MBD2: variants seen among roughly 807,000 people sequenced by gnomAD.
MBD2 encodes methyl-CpG binding domain protein 2, also known as methyl-CpG-binding domain protein 2.
A neutral mutation model predicts 39.3 loss-of-function variants in MBD2; 9 were observed. The observed-to-expected ratio is 0.23, with a 90% CI of 0.14 to 0.40. The LOEUF (loss-of-function observed/expected upper bound fraction) is 0.40, where lower values mean the gene tolerates loss of function less well. MBD2 is among the 10% of genes least tolerant of loss of function. MBD2 has a pLI of 1.00. For missense variants in MBD2, 458 were observed against 532.6 expected (o/e 0.86, Z 1.38); for synonymous variants, 233 against 211.1 (o/e 1.10, Z -0.90).
chr18:54,179,897 CA>C (rs34234339), intron 3 of MBD2, among the ~76,000 whole-genome samples: 61,400 of 150,064 alleles, frequency 0.41, 12,785 homozygotes, highest in East Asian at 0.57. Flanking sequence ...AGAAAAAGGA[CA>C]AAAAAATCAA....
At chr18:54,200,875 C>A (rs969602679) in intron 2 of MBD2, among the ~76,000 whole-genome samples, 2 of 151,908 alleles carry the variant, frequency 1.3e-5, no homozygotes, top group Non-Finnish European at 2.9e-5. Flanking sequence ...GTCAGGAGAT[C>A]GAGACCATCC....
In MBD2 at chr18:54,174,916, G is replaced by A. The variant is rs533583552; in HGVS notation, c.841-8750C>T. ...ACTGAGAAAGGCACGGCTCCATTTA[G>A]AATGACTTTAAGTGTTCAAATGTAG... On this transcript the variant is annotated intron_variant, in intron 3 of 6. Coordinates refer to ENST00000256429, the MANE Select transcript of MBD2 (RefSeq NM_003927.5). Among the ~76,000 whole-genome samples the A allele has an allele frequency of 6.6e-5, 10 of 152,190 alleles. No homozygotes were observed. In the South Asian group the frequency reaches 2.1e-3, roughly 32 times the overall value.
intron 3 of MBD2, among the ~76,000 whole-genome samples, chr18:54,187,339 A>G (rs2086292825): frequency 6.6e-6 from 1 of 152,250 alleles, no homozygotes; most frequent in South Asian, 2.1e-4. Flanking sequence ...GAATTTTTGA[A>G]GCAAATCTGT....
intron 3 of MBD2, among the ~76,000 whole-genome samples, chr18:54,171,610 T>C (rs1333251042): frequency 6.6e-6 from 1 of 152,158 alleles, no homozygotes; most frequent in African/African-American, 2.4e-5. Context: ...GCTAATTGTT[T>C]AGGTTAAATG....
intron 1 of MBD2, among the ~76,000 whole-genome samples, chr18:54,221,008 T>A (rs1015630339): frequency 2.0e-5 from 3 of 152,210 alleles, no homozygotes; most frequent in African/African-American, 7.2e-5. Flanking sequence ...TTGGCACAAA[T>A]CTGTTCAATG....
chr18:54,192,746 G>A (rs1487172349), intron 2 of MBD2, among the ~76,000 whole-genome samples: 1 of 152,174 alleles, frequency 6.6e-6, no homozygotes, highest in Non-Finnish European at 1.5e-5. Context: ...CTGGAAGGAA[G>A]CATGGAACAG....
intron 5 of MBD2, among the ~76,000 whole-genome samples, chr18:54,160,576 C>T (rs62099765): frequency 0.2 from 30,415 of 148,864 alleles, 4,026 homozygotes; most frequent in East Asian, 0.4. Context: ...TTAATAACTC[C>T]AAGTCATTAA....
intron 1 of MBD2, among the ~76,000 whole-genome samples, chr18:54,209,115 T>C (rs1191317442): frequency 6.6e-6 from 1 of 151,870 alleles, no homozygotes; most frequent in Non-Finnish European, 1.5e-5. Flanking sequence ...GGCAACACGG[T>C]GAAACCCCAT....
At chr18:54,171,110 G>C (rs1263196541) in intron 3 of MBD2, among the ~76,000 whole-genome samples, 1 of 152,018 alleles carries the variant, frequency 6.6e-6, no homozygotes, top group Non-Finnish European at 1.5e-5. Flanking sequence ...TGTGTTGAAA[G>C]AGTGGTAGTA....
chr18:54,186,454 T>C (rs1012918097), intron 3 of MBD2, among the ~76,000 whole-genome samples: 2 of 152,194 alleles, frequency 1.3e-5, no homozygotes, highest in African/African-American at 4.8e-5. Flanking sequence ...TTAGCAGTCA[T>C]CTACCATATG....
At chr18:54,196,495 C>T (rs2086368010) in intron 2 of MBD2, among the ~76,000 whole-genome samples, 1 of 152,134 alleles carries the variant, frequency 6.6e-6, no homozygotes, top group Admixed American at 6.5e-5. Flanking sequence ...TATTCTATGG[C>T]GTTAATCATC....
At chr18:54,164,845 T>C (rs1489206570) in intron 4 of MBD2, 145 bp from the exon 5 acceptor site, 5 of 585,412 alleles carry the variant, frequency 8.5e-6, no homozygotes, top group African/African-American at 1.8e-5. Flanking sequence ...AAAGATAATA[T>C]ATCTACTTAA....
intron 2 of MBD2, among the ~76,000 whole-genome samples, chr18:54,198,755 C>G (rs1442698363): frequency 1.3e-5 from 2 of 152,194 alleles, no homozygotes; most frequent in South Asian, 2.1e-4. Flanking sequence ...TTCAAAGGTT[C>G]CTGGAGGTCT....
At chr18:54,163,399 A>G (rs968578270) in intron 5 of MBD2, among the ~76,000 whole-genome samples, 1 of 152,258 alleles carries the variant, frequency 6.6e-6, no homozygotes. Context: ...GGACAGAAAT[A>G]GTGAAGTATA....
At chr18:54,223,135 A>G (rs2086629275) in intron 1 of MBD2, among the ~76,000 whole-genome samples, 1 of 152,252 alleles carries the variant, frequency 6.6e-6, no homozygotes, top group Admixed American at 6.5e-5. Flanking sequence ...ATGTGTATTA[A>G]GTCCACGGAT....
intron 2 of MBD2, among the ~76,000 whole-genome samples, chr18:54,192,882 G>A (rs181983274): frequency 1.5e-4 from 23 of 152,278 alleles, no homozygotes; most frequent in Admixed American, 1.4e-3. Context: ...AACTTCCATT[G>A]TCTAATGAGA....
chr18:54,202,582 G>T, intron 2 of MBD2: 1 of 376,918 alleles, frequency 2.7e-6, no homozygotes, highest in African/African-American at 2.2e-5. Flanking sequence ...TCCACTTTCT[G>T]ACCATTTAAA....
At chr18:54,221,429 G>A (rs949578242) in intron 1 of MBD2, among the ~76,000 whole-genome samples, 1 of 147,310 alleles carries the variant, frequency 6.8e-6, no homozygotes, top group Admixed American at 6.9e-5. Flanking sequence ...CTGCACTCCA[G>A]CCTGGGCAAC....
rs2086648319 is a variant in MBD2, at chr18:54,224,649, G to T, written c.-90C>A. 1 of 962,546 alleles carries T rather than the reference G, an allele frequency of 1.0e-6. No individual in the cohort carries two copies. The highest frequency in any genetic ancestry group is 5.3e-5 in the South Asian group (1 of 19,010). The allele number at this position is 962,546 out of a possible 1,614,324, so 59.6% of individuals were successfully genotyped here. On this transcript the variant is annotated 5_prime_UTR_variant, in exon 1 of 7. Coordinates refer to ENST00000256429, the MANE Select transcript of MBD2 (RefSeq NM_003927.5). ...CGCCCCGCCCGCAGCGCGGCGCGCG[G>T]GGGACGCGCGCAAGCATCATAGAGC...
Sources: gnomAD v4.1 joint callset for allele counts (sites outside exome capture counted in the v4.1 genomes callset) on GRCh38, gnomAD v4.1.1 for gene constraint, MANE v1.5 for transcripts, NCBI Gene and HGNC (gene_info 2026-07-23, HGNC 2026-07-21) for gene names.